PCIF1: variants seen among roughly 807,000 people sequenced by gnomAD.
The protein encoded by PCIF1 is mRNA (2'-O-methyladenosine-N(6)-)-methyltransferase.
A neutral mutation model predicts 86.9 loss-of-function variants in PCIF1; 12 were observed. The observed-to-expected ratio is 0.14, with a 90% CI of 0.09 to 0.22. The LOEUF is 0.22. PCIF1 is among the 10% of genes least tolerant of loss of function. The pLI, the probability that PCIF1 is intolerant of heterozygous loss-of-function variation, is 1.00. For missense variants in PCIF1, 701 were observed against 951.1 expected (o/e 0.74, Z 3.46); for synonymous variants, 397 against 372.0 (o/e 1.07, Z -0.77).
Position 45,947,771 on chromosome 20 carries a change from G to A in PCIF1, c.*16G>A, listed in dbSNP as rs923416467. The A allele has an allele frequency of 6.3e-7, 1 of 1,590,328 alleles. No individual in the cohort carries two copies. Among genetic ancestry groups the A allele is most frequent in the Non-Finnish European group, 8.5e-7 (1 of 1,171,686 alleles). Reference sequence around the variant, plus strand: ...CCCCACTTAACATATCCTGCGGGGAGGAGGAGCCCCAGGGGTGCTAGTCTG... The same window carrying A: ...CCCCACTTAACATATCCTGCGGGGAAGAGGAGCCCCAGGGGTGCTAGTCTG... On this transcript the variant is annotated 3_prime_UTR_variant, in exon 17 of 17. Transcript: ENST00000372409. This position sits in a 1 kb window ranked among gnomAD's most constrained non-coding sequence, Gnocchi z 5.4.
At chr20:45,936,762 C>T (rs1291817300) in intron 1 of PCIF1, among the ~76,000 whole-genome samples, 2 of 152,086 alleles carry the variant, frequency 1.3e-5, no homozygotes, top group Admixed American at 6.5e-5. Flanking sequence ...GAAATCCCGT[C>T]TCTACTAAAA....
Position 45,943,271 on chromosome 20 carries a change from C to G in PCIF1, c.821+27C>G, listed in dbSNP as rs769982215. On this transcript the variant is annotated intron_variant, in intron 8 of 16. Transcript: ENST00000372409. The surrounding 1 kb of genome is among the most constrained non-coding windows in gnomAD (Gnocchi z 5.5). ...TACAGCTCCACAGCTGGGGATGACC[C>G]TGGGCCATTTGGTTTCTGTGCCCAG... The G allele has an allele frequency of 5.6e-6, 9 of 1,614,022 alleles. No individual in the cohort carries two copies. In the South Asian group the frequency reaches 7.7e-5, roughly 14 times the overall value.
At chr20:45,941,355 G>A in intron 7 of PCIF1, 148 bp downstream of exon 7, 1 of 916,286 alleles carries the variant, frequency 1.1e-6, no homozygotes. Context: ...GACAGAGCAA[G>A]ACCCTCTTTC....
Position 45,940,618 on chromosome 20 carries a change from T to C in PCIF1, c.387+6T>C, listed in dbSNP as rs2083461094. The C allele has an allele frequency of 6.2e-7, 1 of 1,607,740 alleles. No homozygotes were observed. Among genetic ancestry groups the C allele is most frequent in the Non-Finnish European group, 8.5e-7 (1 of 1,176,712 alleles). Reference sequence around the variant, plus strand: ...ATGGTGTGAAGAAGCCCAAGGTGAGTGTCTGTGGCCAGGAGCCGGCTGCCG... The same window carrying C: ...ATGGTGTGAAGAAGCCCAAGGTGAGCGTCTGTGGCCAGGAGCCGGCTGCCG... On this transcript the variant is annotated splice_donor_region_variant and intron_variant, in intron 5 of 16. Transcript: ENST00000372409.
chr20:45,935,838 T>C (rs2083420567), intron 1 of PCIF1, among the ~76,000 whole-genome samples: 1 of 151,552 alleles, frequency 6.6e-6, no homozygotes, highest in South Asian at 2.1e-4. Flanking sequence ...TTTTTTTTTT[T>C]ACAAACTCCA....
rs147107115 is a variant in PCIF1, at chr20:45,939,099, A to G, written c.100A>G (p.Ile34Val). Residue 34 changes from isoleucine to valine, a missense_variant, in exon 3 of 17, where the codon ATC (isoleucine) becomes GTC (valine). Physicochemically the swap from Ile to Val is conservative, Grantham distance 29. This residue lies in a region of PCIF1 where 60 missense variants were observed against 58.6 expected (regional missense o/e 1.02). Coordinates refer to ENST00000372409, the MANE Select transcript of PCIF1 (RefSeq NM_022104.4). ...GAGCCAGCCCTGTTCTCCAAAGCCA[A>G]TCCGCCTGGTTCAGGACCTCCCAGG... The part of the protein sequence containing the change: ...NQSQPCSPKP[I>V]RLVQDLPEEL... 80 of 1,613,932 alleles carry G rather than the reference A, an allele frequency of 5.0e-5. No individual in the cohort carries two copies. Among genetic ancestry groups the G allele is most frequent in the Admixed American group, 2.2e-4 (13 of 59,988 alleles).
At chr20:45,941,334 C>A in intron 7 of PCIF1, 127 bp downstream of exon 7, 2 of 1,106,650 alleles carry the variant, frequency 1.8e-6, no homozygotes, top group Non-Finnish European at 2.6e-6. Flanking sequence ...CCAGTGCACT[C>A]CAGCCTGAGT....
rs2083401720 is a variant in PCIF1 at position 45,934,795 on chromosome 20, C to T, written c.-197C>T. ...GTGTAGCCGCGTCCCCTCCAGTCCG[C>T]TCCGGGCAGGTAAGAGTCCCAGGAA... On this transcript the variant is annotated 5_prime_UTR_variant, in exon 1 of 17. Transcript: ENST00000372409. 5 of 398,354 alleles carry T rather than the reference C, an allele frequency of 1.3e-5. No homozygotes were observed. The highest frequency in any genetic ancestry group is 2.2e-5 in the Non-Finnish European group (5 of 225,816). The allele number at this position is 398,354 out of a possible 1,614,324, so 24.7% of individuals were successfully genotyped here. A position where few individuals can be genotyped will look rare whatever the true frequency, so the allele number is the denominator to read the frequency against.
intron 4 of PCIF1, among the ~76,000 whole-genome samples, chr20:45,939,743 G>A (rs2083454429): frequency 6.6e-6 from 1 of 152,234 alleles, no homozygotes; most frequent in Admixed American, 6.5e-5. Flanking sequence ...CTGAGAATGA[G>A]TGTTTAAGGT....
Position 45,944,948 on chromosome 20 carries a change from T to C in PCIF1, c.1086T>C (p.Ser362=). 6.2e-7 allele frequency: 1 copy of C among 1,614,118 alleles called. No individual in the cohort carries two copies. Among genetic ancestry groups the C allele is most frequent in the Non-Finnish European group, 8.5e-7 (1 of 1,180,002 alleles). Residue 362 remains serine, a synonymous_variant, in exon 11 of 17, where the codon AGT becomes AGC. Coordinates refer to ENST00000372409, the MANE Select transcript of PCIF1 (RefSeq NM_022104.4). ...AAKDSVEGIC[S]KIYHISLEYV... is the part of the protein sequence containing the mutation. Reference sequence around the variant, plus strand: ...AGGACTCCGTGGAAGGCATCTGCAGTAAGATCTACCACATCTCCCTGGAGT... The same window carrying C: ...AGGACTCCGTGGAAGGCATCTGCAGCAAGATCTACCACATCTCCCTGGAGT...
At position 45,941,077 on chromosome 20, in the gene PCIF1, G is replaced by A; in HGVS notation, c.543G>A (p.Gln181=). Residue 181 remains glutamine (Q), a synonymous_variant, in exon 7 of 17, where the codon CAG becomes CAA. Coordinates refer to ENST00000372409, the MANE Select transcript of PCIF1 (RefSeq NM_022104.4). Reference sequence around the variant, plus strand: ...GGGTCTACTGGGACCTGGACATCCAGACCAATGCTGTCATCAAGCACCGGG... The same window carrying A: ...GGGTCTACTGGGACCTGGACATCCAAACCAATGCTGTCATCAAGCACCGGG... ...PTEVYWDLDI[Q]TNAVIKHRGP... 1 of 1,614,196 alleles carries A rather than the reference G, an allele frequency of 6.2e-7. No individual in the cohort carries two copies. The highest frequency in any genetic ancestry group is 8.5e-7 in the Non-Finnish European group (1 of 1,180,034).
Position 45,944,921 on chromosome 20 carries a change from C to G in PCIF1, c.1059C>G (p.Ala353=), listed in dbSNP as rs999733314. The change falls in exon 11 of 17, where the codon GCC becomes GCG. Residue 353 remains alanine, a synonymous_variant. Coordinates refer to ENST00000372409, the MANE Select transcript of PCIF1 (RefSeq NM_022104.4). ...GTGGCCCCCACGTCTCGGCCGCAGC[C>G]AAGGACTCCGTGGAAGGCATCTGCA... is the stretch of plus-strand genomic sequence containing the variant. ...RQCGPHVSAA[A]KDSVEGICSK... The G allele has an allele frequency of 6.2e-7, 1 of 1,614,074 alleles. No homozygotes were observed. Among genetic ancestry groups the G allele is most frequent in the Non-Finnish European group, 8.5e-7 (1 of 1,180,024 alleles).
intron 1 of PCIF1, among the ~76,000 whole-genome samples, chr20:45,935,125 G>C (rs1359411872): frequency 6.6e-6 from 1 of 151,438 alleles, no homozygotes; most frequent in Admixed American, 6.6e-5. Flanking sequence ...GGCGGAGCCC[G>C]AGAGATGGGC....
At chr20:45,936,232 T>C (rs1292009645) in intron 1 of PCIF1, among the ~76,000 whole-genome samples, 2 of 152,100 alleles carry the variant, frequency 1.3e-5, no homozygotes, top group African/African-American at 4.8e-5. Context: ...TGGAGTGCAG[T>C]GGCGCGATCT....
intron 10 of PCIF1, 145 bp from the exon 11 acceptor site, chr20:45,944,723 A>T: frequency 1.2e-6 from 1 of 803,252 alleles, no homozygotes; most frequent in South Asian, 1.9e-5. Flanking sequence ...AAGCCAGGGG[A>T]TTTGTCCAAG....
rs1481276300 is a variant in PCIF1, at chr20:45,947,169, G to A, written c.1707+3G>A. On this transcript the variant is annotated splice_donor_region_variant and intron_variant, in intron 15 of 16. Coordinates refer to ENST00000372409, the MANE Select transcript of PCIF1 (RefSeq NM_022104.4). The surrounding 1 kb of genome is among the most constrained non-coding windows in gnomAD (Gnocchi z 5.4). ...ATGCCATGGTCTCTCACTTTGAGGT[G>A]GGTGCACTGCCAGGGTGAGAGGTGG... 5 of 1,611,702 alleles carry A rather than the reference G, an allele frequency of 3.1e-6. No individual in the cohort carries two copies. Among genetic ancestry groups the A allele is most frequent in the Non-Finnish European group, 4.2e-6 (5 of 1,178,148 alleles).
chr20:45,945,647 G>A (rs996034487), intron 11 of PCIF1, 64 bp from the exon 12 acceptor site: 2 of 1,566,322 alleles, frequency 1.3e-6, no homozygotes, highest in African/African-American at 1.4e-5. Context: ...CAAAGCATGT[G>A]GCCCACAGTG....
intron 7 of PCIF1, 75 bp downstream of exon 7, chr20:45,941,282 T>C: frequency 6.6e-7 from 1 of 1,522,268 alleles, no homozygotes; most frequent in Non-Finnish European, 8.8e-7. Context: ...CAGGCCAGTT[T>C]GGGGATGGCG....
intron 6 of PCIF1, 54 bp from the exon 7 acceptor site, chr20:45,940,999 G>A (rs1568792788): frequency 6.2e-7 from 1 of 1,614,184 alleles, no homozygotes; most frequent in Non-Finnish European, 8.5e-7. Flanking sequence ...GTCTGGGACT[G>A]TGGGGTGGTG....
Sources: allele counts gnomAD v4.1 joint callset (sites outside exome capture counted in the v4.1 genomes callset), GRCh38; gene constraint gnomAD v4.1.1; regional missense constraint gnomAD v4.1.1; non-coding constraint Gnocchi (gnomAD v3.1); transcripts MANE v1.5; gene names NCBI Gene and HGNC (gene_info 2026-07-23, HGNC 2026-07-21).